Variants in PARG observed in about 807,000 individuals in gnomAD.
The protein encoded by PARG is poly(ADP-ribose) glycohydrolase, also known as mitochondrial poly(ADP-ribose) glycohydrolase.
A neutral mutation model predicts 113.0 loss-of-function variants in PARG; 35 were observed. The ratio of observed to expected loss-of-function variants is 0.31; its 90% CI spans 0.24 to 0.41. The LOEUF is 0.41. Ranked by LOEUF, PARG falls within the 10% of genes least tolerant of loss-of-function variation. PARG has a pLI of 1.00. For synonymous variants in PARG, 330 were observed against 409.9 expected, an observed-to-expected ratio of 0.81 and a Z score of 2.36; for missense variants, 797 against 1,169.4, an observed-to-expected ratio of 0.68 and a Z score of 4.64.
At chr10:49,876,696 G>A (rs1846954669) in intron 9 of PARG, among the ~76,000 whole-genome samples, 2 of 151,974 alleles carry the variant, frequency 1.3e-5, no homozygotes, top group South Asian at 4.2e-4. Flanking sequence ...GTGACGTGAG[G>A]TTTGAAAATG....
rs1554835478 is a variant in PARG at position 49,858,859 on chromosome 10, G to C, written c.2206-1406C>G. Among the ~76,000 whole-genome samples, 4 of 151,986 alleles carry C rather than the reference G, an allele frequency of 2.6e-5. No homozygotes were observed. In the South Asian group the frequency reaches 8.3e-4, roughly 32 times the overall value. ...CACTGGGTGATTCATGGCTTAAACT[G>C]TCCAATTCAACAAATATTTACTGAG... On this transcript the variant is annotated intron_variant, in intron 12 of 17. Transcript: ENST00000616448.
chr10:49,931,936 A>G (rs1453741297), intron 4 of PARG, among the ~76,000 whole-genome samples, 164 bp downstream of exon 4: 6 of 152,222 alleles, frequency 3.9e-5, no homozygotes, highest in South Asian at 2.1e-4. Flanking sequence ...TTCTATACTA[A>G]GTAAGTTATC....
At chr10:49,904,592 T>G (rs373326737) in intron 7 of PARG, among the ~76,000 whole-genome samples, 554 of 151,162 alleles carry the variant, frequency 3.7e-3, no homozygotes, top group East Asian at 0.015. Flanking sequence ...ATCAGTGTAT[T>G]TTGCTATGAA....
intron 6 of PARG, among the ~76,000 whole-genome samples, chr10:49,918,566 ATTAT>A (rs1837629555): frequency 6.6e-6 from 1 of 151,756 alleles, no homozygotes; most frequent in Non-Finnish European, 1.5e-5. Context: ...TATCACACAC[ATTAT>A]TTATATAAGT....
intron 7 of PARG, among the ~76,000 whole-genome samples, chr10:49,899,492 T>C (rs1848253590): frequency 6.6e-6 from 1 of 152,200 alleles, no homozygotes; most frequent in East Asian, 1.9e-4. Flanking sequence ...TGATCTCTCA[T>C]GTGTATCGCC....
intron 6 of PARG, among the ~76,000 whole-genome samples, chr10:49,917,461 CCTGGGTGACAGAGCGAGA>C (rs1837547423): frequency 6.8e-6 from 1 of 147,404 alleles, no homozygotes; most frequent in Admixed American, 6.8e-5. Flanking sequence ...TGCACTCCAG[CCTGGGTGACAGAGCGAGA>C]CTCCGTCTCA....
chr10:49,895,225 G>C (rs1848018780), intron 7 of PARG, among the ~76,000 whole-genome samples: 2 of 152,256 alleles, frequency 1.3e-5, no homozygotes, highest in African/African-American at 4.8e-5. Flanking sequence ...GTTTACTGTA[G>C]TCTTATTGTA....
intron 4 of PARG, among the ~76,000 whole-genome samples, chr10:49,924,360 A>G (rs567855968): frequency 5.9e-5 from 9 of 152,306 alleles, no homozygotes; most frequent in Non-Finnish European, 1.2e-4. Context: ...TCACATAAAT[A>G]TATAATTTCA....
intron 6 of PARG, 53 bp from the exon 7 acceptor site, chr10:49,916,044 C>T: frequency 1.1e-6 from 1 of 904,944 alleles, no homozygotes; most frequent in Non-Finnish European, 1.8e-6. Flanking sequence ...AGTGAATGAC[C>T]TATGAAGAGC....
At chr10:49,883,674 G>A (rs1462721323) in intron 8 of PARG, among the ~76,000 whole-genome samples, 1 of 152,022 alleles carries the variant, frequency 6.6e-6, no homozygotes, top group Admixed American at 6.6e-5. Flanking sequence ...AGTGGCACAC[G>A]CCTGTAGTCC....
intron 13 of PARG, among the ~76,000 whole-genome samples, chr10:49,849,135 C>A (rs1321639974): frequency 6.6e-6 from 1 of 151,508 alleles, no homozygotes; most frequent in Non-Finnish European, 1.5e-5. Flanking sequence ...GCAGAGGTTG[C>A]GGTAAGCTGA....
intron 7 of PARG, among the ~76,000 whole-genome samples, chr10:49,889,520 T>C (rs562709410): frequency 1.3e-5 from 2 of 152,274 alleles, no homozygotes; most frequent in East Asian, 3.9e-4. Flanking sequence ...TTTGGTGCCA[T>C]GTACTCTCCT....
chr10:49,894,029 C>A (rs1443099359), intron 7 of PARG, among the ~76,000 whole-genome samples: 1 of 151,532 alleles, frequency 6.6e-6, no homozygotes, highest in Non-Finnish European at 1.5e-5. Flanking sequence ...AGACCATTGC[C>A]ATGTTGTCCA....
Position 49,915,871 on chromosome 10 carries a change from T to C in PARG, c.1737+46A>G, listed in dbSNP as rs782692499. Reference sequence around the variant, plus strand: ...TGGGTATTCTTCTCAAACCTTCTTATTGAGTTGTCAATAATATTTTCATAA... The same window carrying C: ...TGGGTATTCTTCTCAAACCTTCTTACTGAGTTGTCAATAATATTTTCATAA... On this transcript the variant is annotated intron_variant, in intron 7 of 17. Transcript: ENST00000616448. 117 of 972,302 alleles carry C rather than the reference T, an allele frequency of 1.2e-4. No homozygotes were observed. The South Asian group carries it at 1.4e-3, about 12-fold the overall frequency. The allele number at this position is 972,302 out of a possible 1,614,324, so 60.2% of individuals were successfully genotyped here.
At chr10:49,889,764 G>A (rs1554841131) in intron 7 of PARG, among the ~76,000 whole-genome samples, 9 of 152,138 alleles carry the variant, frequency 5.9e-5, no homozygotes, top group Admixed American at 1.3e-4. Context: ...CTACTGCAGC[G>A]CTCTGCTGAC....
At chr10:49,893,628 C>A (rs1273757365) in intron 7 of PARG, among the ~76,000 whole-genome samples, 2 of 152,148 alleles carry the variant, frequency 1.3e-5, no homozygotes, top group Non-Finnish European at 2.9e-5. Flanking sequence ...ACCCTGTCAC[C>A]CTCAGCCTCC....
Position 49,935,111 on chromosome 10 carries a change from C to G in PARG, c.249G>C (p.Met83Ile). 1.3e-6 allele frequency: 1 copy of G among 779,454 alleles called. No individual in the cohort carries two copies. Among genetic ancestry groups the G allele is most frequent in the Non-Finnish European group, 2.2e-6 (1 of 447,586 alleles). The allele number at this position is 779,454 out of a possible 1,614,324, so 48.3% of individuals were successfully genotyped here. A position where few individuals can be genotyped will look rare whatever the true frequency, so the allele number is the denominator to read the frequency against. Residue 83 changes from methionine (M) to isoleucine (I), a missense_variant, in exon 2 of 18, where the codon ATG becomes ATC. Physicochemically the swap from Met to Ile is conservative, Grantham distance 10. Transcript: ENST00000616448. ...VFKQKTITSW[M>I]DTKGIKTAES... ...CCGCTGTCTTGATTCCTTTAGTGTC[C>G]ATCCAACTGGTAATAGTCTTTTGTT...
intron 13 of PARG, among the ~76,000 whole-genome samples, chr10:49,844,100 G>A (rs1033814517): frequency 6.6e-6 from 1 of 151,702 alleles, no homozygotes; most frequent in African/African-American, 2.4e-5. Flanking sequence ...AGCCAAGAGT[G>A]TGCCACTGCA....
At chr10:49,853,543 G>T (rs1276029641) in intron 13 of PARG, among the ~76,000 whole-genome samples, 1 of 151,944 alleles carries the variant, frequency 6.6e-6, no homozygotes, top group Admixed American at 6.6e-5. Flanking sequence ...TACTTCCCAC[G>T]TGCATCCATG....
Sources: gnomAD v4.1 joint callset for allele counts (sites outside exome capture counted in the v4.1 genomes callset) on GRCh38, gnomAD v4.1.1 for gene constraint, MANE v1.5 for transcripts, NCBI Gene and HGNC (gene_info 2026-07-23, HGNC 2026-07-21) for gene names.